HMGCLL1: variants seen among roughly 807,000 people sequenced by gnomAD.
HMGCLL1 encodes 3-hydroxy-3-methylglutaryl-CoA lyase like 1.
A neutral mutation model predicts 39.1 loss-of-function variants in HMGCLL1; 36 were observed. The ratio of observed to expected loss-of-function variants is 0.92; its 90% confidence interval spans 0.71 to 1.22. The LOEUF (loss-of-function observed/expected upper bound fraction) is 1.22. Among genes scored for constraint, HMGCLL1 ranks in the 50% most tolerant of loss-of-function variants. The pLI, the probability that HMGCLL1 is intolerant of heterozygous loss-of-function variation, is 0.00. For missense variants in HMGCLL1, 451 were observed against 416.5 expected (o/e 1.08, Z -0.72); for synonymous variants, 149 against 144.0 (o/e 1.03, Z -0.25).
At chr6:55,463,186 T>C (rs575870174) in intron 7 of HMGCLL1, among the ~76,000 whole-genome samples, 1 of 151,962 alleles carries the variant, frequency 6.6e-6, no homozygotes, top group East Asian at 2.0e-4. Flanking sequence ...CATGCCACCA[T>C]GCCTGGCTAA....
the HMGCLL1 span, among the ~76,000 whole-genome samples, chr6:55,618,590 A>G: frequency 1.3e-5 from 2 of 152,200 alleles, no homozygotes; most frequent in South Asian, 4.1e-4. Context: ...AGGCCAACAC[A>G]GGTACTATGA....
At chr6:55,453,454 C>T (rs12196586) in intron 7 of HMGCLL1, among the ~76,000 whole-genome samples, 21,767 of 152,162 alleles carry the variant, frequency 0.14, 1,801 homozygotes, top group Non-Finnish European at 0.19. Context: ...TGAGCCACCG[C>T]GCCTGGCCAG....
chr6:55,449,060 C>A (rs547175530), intron 7 of HMGCLL1, among the ~76,000 whole-genome samples: 8 of 152,160 alleles, frequency 5.3e-5, no homozygotes, highest in South Asian at 4.1e-4. Flanking sequence ...CTGAATTTTT[C>A]TTGTAAAGTA....
intron 7 of HMGCLL1, among the ~76,000 whole-genome samples, chr6:55,477,851 G>T (rs1030875453): frequency 1.3e-5 from 2 of 150,774 alleles, no homozygotes; most frequent in Admixed American, 1.3e-4. Context: ...GTTCATGAGT[G>T]ACAATAGCCA....
chr6:55,513,665 TA>T (rs1377375902), intron 5 of HMGCLL1: 2 of 193,462 alleles, frequency 1.0e-5, no homozygotes, highest in Non-Finnish European at 1.0e-5. Flanking sequence ...AGTCATGTTT[TA>T]AAAAAAATTT....
intron 7 of HMGCLL1, among the ~76,000 whole-genome samples, chr6:55,469,148 GA>G (rs58387084): frequency 0.43 from 62,533 of 146,110 alleles, 14,990 homozygotes; most frequent in Non-Finnish European, 0.54. Context: ...ATAAGAACTG[GA>G]AAAAAAAAAA....
intron 7 of HMGCLL1, among the ~76,000 whole-genome samples, chr6:55,489,972 C>T (rs1006057862): frequency 2.0e-5 from 3 of 152,140 alleles, no homozygotes; most frequent in Admixed American, 6.6e-5. Flanking sequence ...AATTGAAGTA[C>T]CCGTTAGGAG....
In HMGCLL1 at chr6:55,484,526, A is replaced by G. The variant is rs1262672039; in HGVS notation, c.795+10893T>C. On this transcript the variant is annotated intron_variant, in intron 7 of 8. Coordinates refer to ENST00000274901, the MANE Select transcript of HMGCLL1 (RefSeq NM_001042406.2). ...TAGATGTGTAGCAGATTTCTCAAATATAACATGCCCCAAACTGAAATTCTA... is the reference window on the plus strand; with the variant it reads ...TAGATGTGTAGCAGATTTCTCAAATGTAACATGCCCCAAACTGAAATTCTA... 5.9e-5 allele frequency among the ~76,000 whole-genome samples: 9 copies of G among 152,120 alleles called. No individual in the cohort carries two copies. The East Asian group carries it at 1.4e-3, about 23-fold the overall frequency.
Position 55,439,503 on chromosome 6 carries a change from T to C in HMGCLL1, c.852A>G (p.Ala284=). ...AVSGLGGCPY[A]KGASGNVATE... is the part of the protein sequence containing the mutation. ...TGGCTACATTCCCAGAAGCACCTTT[T>C]GCATAAGGGCAGCCACCTAATCCGG... The change falls in exon 8 of 9, where the codon GCA becomes GCG. Residue 284 remains alanine, a synonymous_variant. Coordinates refer to ENST00000274901, the MANE Select transcript of HMGCLL1 (RefSeq NM_001042406.2). The C allele has an allele frequency of 6.2e-7, 1 of 1,613,096 alleles. No homozygotes were observed.
intron 3 of HMGCLL1, among the ~76,000 whole-genome samples, chr6:55,523,402 C>T (rs537889084): frequency 4.6e-5 from 7 of 151,944 alleles, no homozygotes; most frequent in South Asian, 2.1e-4. Flanking sequence ...AGCAGTGAAA[C>T]GGTGTGAGAT....
At chr6:55,518,854 A>G (rs1165197597) in intron 3 of HMGCLL1, among the ~76,000 whole-genome samples, 1 of 152,088 alleles carries the variant, frequency 6.6e-6, no homozygotes, top group East Asian at 1.9e-4. Flanking sequence ...CCTGTCCCCC[A>G]TGTCCTGTTC....
chr6:55,464,152 T>A (rs1191698543), intron 7 of HMGCLL1, among the ~76,000 whole-genome samples: 3 of 152,146 alleles, frequency 2.0e-5, no homozygotes, highest in Non-Finnish European at 4.4e-5. Context: ...AGAATTTAAT[T>A]CTCTTAATTT....
chr6:55,495,703 A>T, intron 6 of HMGCLL1, 96 bp from the exon 7 acceptor site: 1 of 768,246 alleles, frequency 1.3e-6, no homozygotes. Context: ...TAAAAATTAC[A>T]ACTAATACCA....
At chr6:55,565,405 T>G (rs1266911588) in intron 1 of HMGCLL1, among the ~76,000 whole-genome samples, 1 of 152,110 alleles carries the variant, frequency 6.6e-6, no homozygotes, top group Non-Finnish European at 1.5e-5. Flanking sequence ...TTTTCCAGAT[T>G]CCTATTAATA....
the HMGCLL1 span, among the ~76,000 whole-genome samples, chr6:55,673,770 G>T: frequency 6.6e-6 from 1 of 151,992 alleles, no homozygotes; most frequent in Non-Finnish European, 1.5e-5. Context: ...CTCATTGTGT[G>T]TCAGATACTT....
At chr6:55,591,146 T>A in the HMGCLL1 span, among the ~76,000 whole-genome samples, 1 of 151,986 alleles carries the variant, frequency 6.6e-6, no homozygotes, top group East Asian at 1.9e-4. Flanking sequence ...AGATGTTAAA[T>A]TTTTTCCAAG....
At chr6:55,531,966 T>C (rs1426461522) in intron 3 of HMGCLL1, among the ~76,000 whole-genome samples, 1 of 152,022 alleles carries the variant, frequency 6.6e-6, no homozygotes. Context: ...GTATTAATAA[T>C]AGGAAAAAGA....
At chr6:55,644,427 C>T in the HMGCLL1 span, among the ~76,000 whole-genome samples, 2 of 151,758 alleles carry the variant, frequency 1.3e-5, no homozygotes, top group Admixed American at 1.3e-4. Flanking sequence ...CCATGTTTGC[C>T]TTGATTGCCT....
intron 3 of HMGCLL1, among the ~76,000 whole-genome samples, chr6:55,519,713 A>T (rs1767937042): frequency 6.6e-6 from 1 of 152,152 alleles, no homozygotes; most frequent in Non-Finnish European, 1.5e-5. Flanking sequence ...AAGTAAACAT[A>T]GTATGTATAA....
Sources: gnomAD v4.1 joint callset for allele counts (sites outside exome capture counted in the v4.1 genomes callset) on GRCh38, gnomAD v4.1.1 for gene constraint, MANE v1.5 for transcripts, NCBI Gene and HGNC (gene_info 2026-07-23, HGNC 2026-07-21) for gene names.